Variants in GTPBP10 observed in about 807,000 individuals in gnomAD.
The protein encoded by GTPBP10 is GTP-binding protein 10.
A neutral mutation model predicts 44.8 loss-of-function variants in GTPBP10; 38 were observed. The ratio of observed to expected loss-of-function variants is 0.85; its 90% CI spans 0.65 to 1.11. GTPBP10 has a LOEUF of 1.11. Among genes scored for constraint, GTPBP10 ranks in the 50% most tolerant of loss-of-function variants. The pLI is 0.00. For missense variants in GTPBP10, 462 were observed against 453.7 expected (o/e 1.02, Z -0.17); for synonymous variants, 152 against 150.6 (o/e 1.01, Z -0.07).
At chr7:90,364,483 G>A (rs768802713) in intron 4 of GTPBP10, among the ~76,000 whole-genome samples, 1 of 152,152 alleles carries the variant, frequency 6.6e-6, no homozygotes, top group Non-Finnish European at 1.5e-5. Flanking sequence ...CTGCCTGATC[G>A]TTCCTCTGGA....
rs745531795 is a variant in GTPBP10, at chr7:90,385,123, C to T, written c.1133C>T (p.Ala378Val). ...TCTACTGAGCCACCATCAAAGCATGCTGTTACTACTTCCAAAATGGATATA... is the reference window on the plus strand; with the variant it reads ...TCTACTGAGCCACCATCAAAGCATGTTGTTACTACTTCCAAAATGGATATA... ...MSSTEPPSKH[A>V]VTTSKMDII Residue 378 changes from alanine to valine, a missense_variant, in exon 10 of 10, where the codon GCT (alanine) becomes GTT (valine). Ala to Val is a moderately conservative substitution (Grantham distance 64). Transcript: ENST00000222511. The T allele has an allele frequency of 1.4e-5, 22 of 1,607,076 alleles. No homozygotes were observed. In the South Asian group the frequency reaches 2.1e-4, roughly 15 times the overall value.
At chr7:90,384,770 G>A in intron 9 of GTPBP10, 122 bp from the exon 10 acceptor site, 1 of 845,244 alleles carries the variant, frequency 1.2e-6, no homozygotes, top group East Asian at 2.6e-5. Flanking sequence ...ATTAGAAAAG[G>A]TGAAAAAAGG....
In GTPBP10 at chr7:90,388,825, A is replaced by G. The variant is rs116694327; in HGVS notation, c.*3671A>G. 8.3e-3 allele frequency: 1,261 copies of G among 152,346 alleles called. 15 individuals carry two copies. The highest frequency in any genetic ancestry group is 0.028 in the African/African-American group (1,185 of 41,580). The allele number at this position is 152,346 out of a possible 1,614,324, so 9.4% of individuals were successfully genotyped here. On this transcript the variant is annotated 3_prime_UTR_variant, in exon 10 of 10. Coordinates refer to ENST00000222511, the MANE Select transcript of GTPBP10 (RefSeq NM_033107.4). ...CTTGCCGAAAAATGTACATAAACAC[A>G]TAAACTATTTTCCAAGCAGTTTCAC...
chr7:90,368,917 C>T (rs901588714), intron 4 of GTPBP10, among the ~76,000 whole-genome samples: 6 of 152,192 alleles, frequency 3.9e-5, no homozygotes, highest in African/African-American at 1.4e-4. Flanking sequence ...GGTTTCTCCC[C>T]ATCTTTGTGG....
At chr7:90,353,120 G>A (rs1193397834) in intron 2 of GTPBP10, 111 bp downstream of exon 2, 5 of 695,268 alleles carry the variant, frequency 7.2e-6, no homozygotes, top group Non-Finnish European at 7.0e-6. Flanking sequence ...ATTATTTCCT[G>A]TATTTATAAC....
rs1207773823 is a variant in GTPBP10 at position 90,387,192 on chromosome 7, T to A, written c.*2038T>A. Reference sequence around the variant, plus strand: ...TCTCTACTAAAATACAAAAATCAGCTGGGCATGGTGGCGCATGTCTGTAAT... The same window carrying A: ...TCTCTACTAAAATACAAAAATCAGCAGGGCATGGTGGCGCATGTCTGTAAT... On this transcript the variant is annotated 3_prime_UTR_variant, in exon 10 of 10. Transcript: ENST00000222511. 4 of 151,866 alleles carry A rather than the reference T, an allele frequency of 2.6e-5. No individual in the cohort carries two copies. Among genetic ancestry groups the A allele is most frequent in the Non-Finnish European group, 5.9e-5 (4 of 67,996 alleles). 9.4% of individuals were successfully genotyped at this position (151,866 alleles called of 1,614,324 possible).
In GTPBP10 at chr7:90,385,032, A is replaced by AATGATGTTC. The variant is rs1194417017; in HGVS notation, c.1043_1044insTGATGTTCA (p.Asn348_Gln349insAspValHis). On this transcript the variant is annotated inframe_insertion, in exon 10 of 10. Coordinates refer to ENST00000222511, the MANE Select transcript of GTPBP10 (RefSeq NM_033107.4). ...AAGAAAGTCACTGGATGAACAGGCC[A>AATGATGTTC]ACCAGGAAAATGATGCACTTCATAA... 6.2e-7 allele frequency: 1 copy of AATGATGTTC among 1,614,060 alleles called. No individual in the cohort carries two copies. Among genetic ancestry groups the AATGATGTTC allele is most frequent in the Admixed American group, 1.7e-5 (1 of 60,024 alleles).
chr7:90,359,961 C>T (rs1172943615), intron 4 of GTPBP10, among the ~76,000 whole-genome samples: 3 of 152,110 alleles, frequency 2.0e-5, no homozygotes, highest in Non-Finnish European at 4.4e-5. Flanking sequence ...CTGTTCATAT[C>T]CTTCGCCCAC....
chr7:90,357,915 G>A (rs549511359), intron 4 of GTPBP10, among the ~76,000 whole-genome samples: 21 of 152,036 alleles, frequency 1.4e-4, no homozygotes, highest in Non-Finnish European at 2.6e-4. Context: ...AATCAAAGAT[G>A]TGTGCAAAGA....
chr7:90,378,458 C>A, intron 8 of GTPBP10: 1 of 159,888 alleles, frequency 6.3e-6, no homozygotes, highest in Non-Finnish European at 1.3e-5. Flanking sequence ...TATCTTGCTT[C>A]AGCTTTGGCA....
At chr7:90,373,982 A>G (rs1029039813) in intron 5 of GTPBP10, among the ~76,000 whole-genome samples, 7 of 152,162 alleles carry the variant, frequency 4.6e-5, no homozygotes, top group Non-Finnish European at 7.4e-5. Context: ...CTAGGACTAC[A>G]GGTGCACTGC....
intron 1 of GTPBP10, among the ~76,000 whole-genome samples, chr7:90,351,546 G>C (rs1004657828): frequency 6.6e-6 from 1 of 151,882 alleles, no homozygotes; most frequent in African/African-American, 2.4e-5. Flanking sequence ...CAATCTATTT[G>C]CTTTGTAAGT....
intron 9 of GTPBP10, 116 bp downstream of exon 9, chr7:90,383,195 A>C: frequency 1.6e-6 from 1 of 618,162 alleles, no homozygotes; most frequent in Non-Finnish European, 2.5e-6. Context: ...AGTTTGAAGA[A>C]AGAATATACA....
chr7:90,355,041 C>A, intron 3 of GTPBP10, 45 bp from the exon 4 acceptor site: 1 of 1,263,694 alleles, frequency 7.9e-7, no homozygotes, highest in Non-Finnish European at 1.1e-6. Context: ...TTAGTGATTT[C>A]ACTTATTAAT....
At chr7:90,364,238 G>A (rs1796087162) in intron 4 of GTPBP10, among the ~76,000 whole-genome samples, 1 of 152,172 alleles carries the variant, frequency 6.6e-6, no homozygotes, top group African/African-American at 2.4e-5. Context: ...CAGCTTTTCT[G>A]CTCTGTTTTT....
At chr7:90,352,220 A>G (rs1174315062) in intron 1 of GTPBP10, among the ~76,000 whole-genome samples, 1 of 152,214 alleles carries the variant, frequency 6.6e-6, no homozygotes, top group African/African-American at 2.4e-5. Context: ...AAAGACTTCC[A>G]TTTGTGTAGT....
chr7:90,366,349 A>AT (rs1434444605), intron 4 of GTPBP10, among the ~76,000 whole-genome samples: 4 of 152,138 alleles, frequency 2.6e-5, no homozygotes, highest in Non-Finnish European at 5.9e-5. Context: ...TTCAGAAGGA[A>AT]TGGTACCAGC....
chr7:90,362,379 T>C (rs1351404263), intron 4 of GTPBP10, among the ~76,000 whole-genome samples: 1 of 152,194 alleles, frequency 6.6e-6, no homozygotes. Flanking sequence ...TCTGCCTTCA[T>C]TTCGTTATGT....
At position 90,378,125 on chromosome 7, in the gene GTPBP10, T is replaced by C. The variant is rs1374614055; in HGVS notation, c.700-9T>C. The C allele has an allele frequency of 6.2e-7, 1 of 1,608,918 alleles. No homozygotes were observed. Among genetic ancestry groups the C allele is most frequent in the Admixed American group, 1.7e-5 (1 of 59,910 alleles). ...TTAAAGGCTGTCTCTTTCCTTCTCT[T>C]TTTTTTAGGTTGATATTTCTGGATT... is the stretch of plus-strand genomic sequence containing the variant. On this transcript the variant is annotated splice_polypyrimidine_tract_variant and intron_variant, in intron 7 of 9. Coordinates refer to ENST00000222511, the MANE Select transcript of GTPBP10 (RefSeq NM_033107.4).
Sources: allele counts gnomAD v4.1 joint callset (sites outside exome capture counted in the v4.1 genomes callset), GRCh38; gene constraint gnomAD v4.1.1; transcripts MANE v1.5; gene names NCBI Gene and HGNC (gene_info 2026-07-23, HGNC 2026-07-21).